Variants in KCNH7 observed in about 807,000 individuals in gnomAD.
The protein encoded by KCNH7 is potassium voltage-gated channel subfamily H member 7.
KCNH7 carries 49 observed loss-of-function variants against 120.8 expected under a neutral mutation model. The ratio of observed to expected loss-of-function variants is 0.41; its 90% confidence interval spans 0.32 to 0.51. The LOEUF (loss-of-function observed/expected upper bound fraction) is 0.51, where lower values mean the gene tolerates loss of function less well. KCNH7 is among the 20% of genes least tolerant of loss of function. The probability of loss-of-function intolerance (pLI) is 0.38; values close to 1 mark genes in which losing one functional copy is unlikely to be tolerated. For missense variants in KCNH7, 1,097 were observed against 1,446.6 expected, an observed-to-expected ratio of 0.76 and a Z score of 3.92; for synonymous variants, 547 against 516.1, an observed-to-expected ratio of 1.06 and a Z score of -0.81.
In KCNH7 at chr2:162,517,746, G is replaced by C. The variant is rs1691356721; in HGVS notation, c.876C>G (p.Asp292Glu). Residue 292 changes from aspartate (D) to glutamate (E), a missense_variant, in exon 4 of 16, where the codon GAC (aspartate) becomes GAG (glutamate). Coordinates refer to ENST00000332142, the MANE Select transcript of KCNH7 (RefSeq NM_033272.4). ...CAAACATACCTTCGCTGGCATGTCG[G>C]TCTCTAAATATGTTCTTGGGGTGGA... ...FGVHPKNIFR[D>E]RHASEDNGRN... The C allele has an allele frequency of 6.4e-7, 1 of 1,558,144 alleles. No homozygotes were observed. Among genetic ancestry groups the C allele is most frequent in the Non-Finnish European group, 8.7e-7 (1 of 1,145,154 alleles).
intron 2 of KCNH7, among the ~76,000 whole-genome samples, chr2:162,607,741 C>T (rs1682829984): frequency 6.6e-6 from 1 of 151,798 alleles, no homozygotes; most frequent in East Asian, 1.9e-4. Context: ...AATGAAAATT[C>T]CAAGCACATT....
intron 2 of KCNH7, among the ~76,000 whole-genome samples, chr2:162,727,086 G>C (rs1314505127): frequency 6.6e-6 from 1 of 151,936 alleles, no homozygotes; most frequent in Non-Finnish European, 1.5e-5. Flanking sequence ...TTCAAATTTA[G>C]CACTACAGAG....
chr2:162,380,183 A>G (rs1415628193), intron 13 of KCNH7, among the ~76,000 whole-genome samples, 162 bp from the exon 14 acceptor site: 1 of 152,170 alleles, frequency 6.6e-6, no homozygotes, highest in African/African-American at 2.4e-5. Context: ...GCCAGTTGGT[A>G]GCAGAGTCCC....
chr2:162,501,094 T>C (rs1690670274), intron 6 of KCNH7, among the ~76,000 whole-genome samples: 1 of 152,058 alleles, frequency 6.6e-6, no homozygotes, highest in Non-Finnish European at 1.5e-5. Context: ...TGGTTTGACA[T>C]GTGGACAATT....
At position 162,418,712 on chromosome 2, in the gene KCNH7, G is replaced by T. The variant is rs191900351; in HGVS notation, c.2154+4624C>A. Among the ~76,000 whole-genome samples, 5 of 152,252 alleles carry T rather than the reference G, an allele frequency of 3.3e-5. No homozygotes were observed. The South Asian group carries it at 1.0e-3, about 32-fold the overall frequency. ...AGAGATAAGCTCTGTGTTAATAGTG[G>T]AGACTGCTCTGACAGATCATAGAGA... is the stretch of plus-strand genomic sequence containing the variant. On this transcript the variant is annotated intron_variant, in intron 9 of 15. Coordinates refer to ENST00000332142, the MANE Select transcript of KCNH7 (RefSeq NM_033272.4).
chr2:162,456,579 A>G (rs1223063840), intron 6 of KCNH7, among the ~76,000 whole-genome samples: 1 of 151,956 alleles, frequency 6.6e-6, no homozygotes, highest in Non-Finnish European at 1.5e-5. Context: ...TTGTGTCTCG[A>G]TCTGTCTAAT....
At chr2:162,475,310 C>T (rs1179071320) in intron 6 of KCNH7, among the ~76,000 whole-genome samples, 2 of 152,146 alleles carry the variant, frequency 1.3e-5, no homozygotes, top group African/African-American at 2.4e-5. Flanking sequence ...TTCAAATTGC[C>T]TCACAATAAT....
At chr2:162,514,089 A>C (rs764089694) in intron 4 of KCNH7, among the ~76,000 whole-genome samples, 7 of 151,840 alleles carry the variant, frequency 4.6e-5, no homozygotes, top group Non-Finnish European at 8.8e-5. Flanking sequence ...TTTTGTTGAT[A>C]TCTATGCTAA....
chr2:162,599,581 C>T (rs1694485176), intron 2 of KCNH7, among the ~76,000 whole-genome samples: 1 of 151,502 alleles, frequency 6.6e-6, no homozygotes, highest in Admixed American at 6.6e-5. Flanking sequence ...TTAATGCTTC[C>T]TAACTTTTTA....
intron 6 of KCNH7, among the ~76,000 whole-genome samples, chr2:162,503,776 T>C (rs2105751300): frequency 6.6e-6 from 1 of 152,192 alleles, no homozygotes; most frequent in African/African-American, 2.4e-5. Context: ...AGTCATGAAT[T>C]CCCAACAATG....
chr2:162,804,025 T>A (rs1270376904), intron 2 of KCNH7, among the ~76,000 whole-genome samples: 1 of 151,918 alleles, frequency 6.6e-6, no homozygotes, highest in African/African-American at 2.4e-5. Context: ...AAAATTAGAA[T>A]AATGTTATTT....
chr2:162,718,126 T>G (rs1320897281), intron 2 of KCNH7, among the ~76,000 whole-genome samples: 1 of 151,982 alleles, frequency 6.6e-6, no homozygotes, highest in Non-Finnish European at 1.5e-5. Flanking sequence ...TATAAAGAAT[T>G]TGTGATTTTA....
At chr2:162,624,807 A>C (rs1683489828) in intron 2 of KCNH7, among the ~76,000 whole-genome samples, 1 of 150,504 alleles carries the variant, frequency 6.6e-6, no homozygotes, top group African/African-American at 2.5e-5. Context: ...TTCCATTGGC[A>C]GCTGAGCAAT....
intron 6 of KCNH7, among the ~76,000 whole-genome samples, chr2:162,459,349 G>A (rs1227241168): frequency 6.6e-6 from 1 of 152,104 alleles, no homozygotes; most frequent in Non-Finnish European, 1.5e-5. Flanking sequence ...AAATTCACAA[G>A]AGAAAAGATT....
intron 2 of KCNH7, among the ~76,000 whole-genome samples, chr2:162,719,580 A>T (rs1687252405): frequency 6.6e-6 from 1 of 152,036 alleles, no homozygotes; most frequent in Admixed American, 6.6e-5. Context: ...TTATTTTATG[A>T]TATTAAAAAA....
intron 2 of KCNH7, among the ~76,000 whole-genome samples, chr2:162,702,699 T>C (rs1686556860): frequency 6.6e-6 from 1 of 152,140 alleles, no homozygotes; most frequent in African/African-American, 2.4e-5. Flanking sequence ...TTCTCCTTTC[T>C]CTCTTAGCAC....
intron 14 of KCNH7, among the ~76,000 whole-genome samples, chr2:162,378,973 G>A (rs546509570): frequency 6.6e-6 from 1 of 152,328 alleles, no homozygotes; most frequent in Non-Finnish European, 1.5e-5. Context: ...TGAACATTGT[G>A]TAAGTCAGAA....
At chr2:162,651,849 A>C (rs1416351019) in intron 2 of KCNH7, among the ~76,000 whole-genome samples, 1 of 152,188 alleles carries the variant, frequency 6.6e-6, no homozygotes, top group Non-Finnish European at 1.5e-5. Flanking sequence ...TGTTCTCTGC[A>C]TCCTCACCAG....
chr2:162,542,457 G>A (rs1692342566), intron 2 of KCNH7, among the ~76,000 whole-genome samples: 2 of 126,140 alleles, frequency 1.6e-5, no homozygotes, highest in African/African-American at 6.3e-5. Flanking sequence ...GTGTCCATGT[G>A]TTCTCACTGT....
Sources: allele counts gnomAD v4.1 joint callset (sites outside exome capture counted in the v4.1 genomes callset), GRCh38; gene constraint gnomAD v4.1.1; transcripts MANE v1.5; gene names NCBI Gene and HGNC (gene_info 2026-07-23, HGNC 2026-07-21).